The following NUP93 variants were observed in gnomAD, a reference collection of about 807,000 sequenced individuals.
NUP93 encodes nucleoporin 93.
NUP93 carries 55 observed loss-of-function variants against 107.8 expected under a neutral mutation model. That is an observed-to-expected ratio of 0.51 (90% CI 0.41 to 0.64). The LOEUF (loss-of-function observed/expected upper bound fraction) is 0.64, where lower values mean the gene tolerates loss of function less well. Among genes scored for constraint, NUP93 ranks in the 30% least tolerant of loss-of-function variants. The pLI is 0.00. For synonymous variants in NUP93, 390 were observed against 397.5 expected, an observed-to-expected ratio of 0.98 and a Z score of 0.22; for missense variants, 937 against 1,044.7, an observed-to-expected ratio of 0.90 and a Z score of 1.42.
intron 5 of NUP93, among the ~76,000 whole-genome samples, chr16:56,815,865 A>ACTGCTG (rs59958027): frequency 0.35 from 51,346 of 146,768 alleles, 9,203 homozygotes; most frequent in Middle Eastern, 0.49. Flanking sequence ...TACTACTGCT[A>ACTGCTG]CTGCTGCTGC....
intron 4 of NUP93, among the ~76,000 whole-genome samples, chr16:56,802,836 A>C (rs1963050422): frequency 6.6e-6 from 1 of 152,190 alleles, no homozygotes; most frequent in Non-Finnish European, 1.5e-5. Flanking sequence ...GGCTTTTTGA[A>C]AAGGCTTAAG....
intron 1 of NUP93, among the ~76,000 whole-genome samples, chr16:56,733,463 A>G (rs886070265): frequency 5.3e-5 from 8 of 152,108 alleles, no homozygotes; most frequent in African/African-American, 9.7e-5. Flanking sequence ...AGGAGGTGAA[A>G]GGGGCGCTGG....
intron 1 of NUP93, among the ~76,000 whole-genome samples, chr16:56,731,032 C>T (rs1004875060): frequency 1.3e-5 from 2 of 152,056 alleles, no homozygotes; most frequent in Admixed American, 6.6e-5. Context: ...GTCATCCTAG[C>T]TTTTCTTCTT....
chr16:56,753,351 C>T (rs1056412807), intron 2 of NUP93, among the ~76,000 whole-genome samples: 3 of 152,160 alleles, frequency 2.0e-5, no homozygotes, highest in Non-Finnish European at 2.9e-5. Context: ...AGTGGCACCT[C>T]AATCTAATCA....
Position 56,841,699 on chromosome 16 carries a change from A to T in NUP93, c.2221-6A>T, listed in dbSNP as rs759114767. 2 of 1,613,720 alleles carry T rather than the reference A, an allele frequency of 1.2e-6. No individual in the cohort carries two copies. On this transcript the variant is annotated splice_polypyrimidine_tract_variant and splice_region_variant and intron_variant, in intron 20 of 21. Transcript: ENST00000308159. ...TTTTCTTTACTCTGTTTTTCTCTCT[A>T]TGTAGATCAGGCACAACCTCTCAGA...
chr16:56,806,395 T>G (rs1190613073), intron 5 of NUP93, among the ~76,000 whole-genome samples: 1 of 152,094 alleles, frequency 6.6e-6, no homozygotes, highest in Non-Finnish European at 1.5e-5. Flanking sequence ...ATTATTGAAC[T>G]TGGCCTCCTA....
At chr16:56,827,071 T>TAAAAA (rs1567407800) in intron 8 of NUP93, among the ~76,000 whole-genome samples, 2 of 69,230 alleles carry the variant, frequency 2.9e-5, no homozygotes, top group African/African-American at 1.0e-4. Flanking sequence ...AAAAAAAAAT[T>TAAAAA]TTGTTGAGTC....
intron 2 of NUP93, among the ~76,000 whole-genome samples, chr16:56,754,614 G>A (rs1239382394): frequency 1.3e-5 from 2 of 152,250 alleles, no homozygotes; most frequent in African/African-American, 4.8e-5. Flanking sequence ...GCAGGGTACA[G>A]CCCTCTTGGC....
chr16:56,738,745 A>T (rs562142866), intron 1 of NUP93, among the ~76,000 whole-genome samples: 1 of 152,270 alleles, frequency 6.6e-6, no homozygotes, highest in East Asian at 1.9e-4. Flanking sequence ...TAGCTAGTTT[A>T]TGTATTCAAA....
In NUP93 at chr16:56,746,098, ATTTTC is replaced by A. The variant is rs1262783074; in HGVS notation, c.-14-2130_-14-2126del. On this transcript the variant is annotated intron_variant, in intron 1 of 21. Transcript: ENST00000308159. ...AGTTTTCCTCATGAAAGAAAAAAGT[ATTTTC>A]TTTTCCTTGACTCTGTTAGAAAAAT... 2.7e-5 allele frequency among the ~76,000 whole-genome samples: 4 copies of A among 147,738 alleles called. No individual in the cohort carries two copies. In the East Asian group the frequency reaches 7.9e-4, roughly 29 times the overall value.
At chr16:56,815,933 CACTACT>C (rs1191065923) in intron 5 of NUP93, among the ~76,000 whole-genome samples, 10 of 90,856 alleles carry the variant, frequency 1.1e-4, no homozygotes, top group Admixed American at 2.2e-4. Flanking sequence ...CTGCTGCTAC[CACTACT>C]ACTACTACTA....
intron 3 of NUP93, among the ~76,000 whole-genome samples, chr16:56,797,796 A>T (rs1293725735): frequency 6.6e-6 from 1 of 152,182 alleles, no homozygotes; most frequent in Non-Finnish European, 1.5e-5. Context: ...CTAGTAGTAA[A>T]TGGAGGCACT....
chr16:56,736,330 C>G (rs1961612282), intron 1 of NUP93, among the ~76,000 whole-genome samples: 2 of 152,166 alleles, frequency 1.3e-5, no homozygotes, highest in South Asian at 4.1e-4. Context: ...GAGATTCCAT[C>G]TCAAAAATAA....
rs114170633 is a variant in NUP93 at position 56,734,661 on chromosome 16, T to C, written c.-15+4450T>C. Among the ~76,000 whole-genome samples the C allele has an allele frequency of 6.3e-3, 964 of 152,232 alleles. 18 individuals are homozygous for C. Among genetic ancestry groups the C allele is most frequent in the African/African-American group, 0.023 (937 of 41,542 alleles). ...ATGAGAGTGGCTTGCACCAGGATGA[T>C]AGTGGTAGAAGAGACAAAAAGTGGG... is the stretch of plus-strand genomic sequence containing the variant. On this transcript the variant is annotated intron_variant, in intron 1 of 21. Coordinates refer to ENST00000308159, the MANE Select transcript of NUP93 (RefSeq NM_014669.5).
intron 8 of NUP93, among the ~76,000 whole-genome samples, chr16:56,824,149 C>T (rs1343668304): frequency 6.6e-6 from 1 of 152,146 alleles, no homozygotes; most frequent in Non-Finnish European, 1.5e-5. Flanking sequence ...TGCCTTAGGT[C>T]ATAATCTTTT....
At chr16:56,789,697 G>A (rs180849351) in intron 3 of NUP93, among the ~76,000 whole-genome samples, 46 of 152,306 alleles carry the variant, frequency 3.0e-4, no homozygotes, top group African/African-American at 5.3e-4. Context: ...TATTACAGTT[G>A]GCGAATATCA....
At chr16:56,839,653 C>G in intron 20 of NUP93, 49 bp downstream of exon 20, 1 of 1,424,880 alleles carries the variant, frequency 7.0e-7, no homozygotes, top group Non-Finnish European at 9.9e-7. Flanking sequence ...CCCACTTCCA[C>G]CAAAAGCTTT....
At chr16:56,766,334 G>A (rs1194079870) in intron 3 of NUP93, among the ~76,000 whole-genome samples, 1 of 152,184 alleles carries the variant, frequency 6.6e-6, no homozygotes, top group Non-Finnish European at 1.5e-5. Flanking sequence ...AGGCTCTGGT[G>A]CCTTTGAACT....
At chr16:56,751,175 G>A (rs779894935) in intron 2 of NUP93, among the ~76,000 whole-genome samples, 3 of 151,934 alleles carry the variant, frequency 2.0e-5, no homozygotes, top group Non-Finnish European at 4.4e-5. Flanking sequence ...CAAGCTAGAT[G>A]TGTATAAAGA....
Sources: gnomAD v4.1 joint callset for allele counts (sites outside exome capture counted in the v4.1 genomes callset) on GRCh38, gnomAD v4.1.1 for gene constraint, MANE v1.5 for transcripts, NCBI Gene and HGNC (gene_info 2026-07-23, HGNC 2026-07-21) for gene names.